Variants in COMMD10 observed in about 807,000 individuals in gnomAD.
COMMD10 encodes the protein COMM domain containing 10, also known as COMM domain-containing protein 10.
In COMMD10, 33 loss-of-function variants were observed where a neutral mutation model predicts 28.9. That is an observed-to-expected ratio of 1.14 (90% CI 0.87 to 1.53). The LOEUF (loss-of-function observed/expected upper bound fraction) is 1.53, where lower values mean the gene tolerates loss of function less well. COMMD10 is among the 40% of genes most tolerant of loss of function. The pLI, the probability that COMMD10 is intolerant of heterozygous loss-of-function variation, is 0.00. For synonymous variants in COMMD10, 110 were observed against 81.7 expected (o/e 1.35, Z -1.87); for missense variants, 310 against 233.4 (o/e 1.33, Z -2.14).
intron 5 of COMMD10, among the ~76,000 whole-genome samples, chr5:116,272,602 G>A (rs1177925632): frequency 6.6e-6 from 1 of 151,822 alleles, no homozygotes; most frequent in East Asian, 1.9e-4. Context: ...TGTTCTGACT[G>A]TGCTTTGTCT....
chr5:116,257,062 C>T (rs1030332727), intron 5 of COMMD10, among the ~76,000 whole-genome samples: 38 of 151,678 alleles, frequency 2.5e-4, no homozygotes, highest in African/African-American at 9.2e-4. Context: ...TTACTCTACT[C>T]TGTATTTTAT....
intron 5 of COMMD10, among the ~76,000 whole-genome samples, chr5:116,144,989 G>T (rs746606315): frequency 6.6e-6 from 1 of 151,746 alleles, no homozygotes; most frequent in Non-Finnish European, 1.5e-5. Context: ...GAGCACAAAC[G>T]GAAAGGTAGG....
chr5:116,180,390 T>A (rs1045583094), intron 5 of COMMD10, among the ~76,000 whole-genome samples: 1 of 152,160 alleles, frequency 6.6e-6, no homozygotes, highest in African/African-American at 2.4e-5. Context: ...TATTCATTTA[T>A]CTTTTGTTTA....
At position 116,244,477 on chromosome 5, in the gene COMMD10, T is replaced by A. The variant is rs145070912; in HGVS notation, c.511-47040T>A. The stretch of plus-strand genomic sequence containing the variant: ...CCAGTCTAGTGAATAGACAAATGAA[T>A]TTATTAAATTAAAATACAATGATAT... On this transcript the variant is annotated intron_variant, in intron 5 of 6. Transcript: ENST00000274458. Among the ~76,000 whole-genome samples, 692 of 151,926 alleles carry A rather than the reference T, an allele frequency of 4.6e-3. 3 individuals carry two copies. Among genetic ancestry groups the A allele is most frequent in the Non-Finnish European group, 6.4e-3 (433 of 67,902 alleles).
At chr5:116,194,789 A>G (rs1395052586) in intron 5 of COMMD10, among the ~76,000 whole-genome samples, 2 of 152,172 alleles carry the variant, frequency 1.3e-5, no homozygotes, top group Non-Finnish European at 2.9e-5. Context: ...CAAGATAAAG[A>G]AGGAGCCCTT....
At chr5:116,202,512 A>T (rs1165784640) in intron 5 of COMMD10, among the ~76,000 whole-genome samples, 1 of 150,726 alleles carries the variant, frequency 6.6e-6, no homozygotes, top group Non-Finnish European at 1.5e-5. Flanking sequence ...ACAGTGTAAA[A>T]GTGTTCCTAT....
At chr5:116,102,232 A>G (rs1750689701) in intron 4 of COMMD10, among the ~76,000 whole-genome samples, 1 of 152,122 alleles carries the variant, frequency 6.6e-6, no homozygotes, top group Admixed American at 6.5e-5. Flanking sequence ...GATTTTTTTT[A>G]TATGATCAGA....
chr5:116,223,216 A>G (rs1749309441), intron 5 of COMMD10, among the ~76,000 whole-genome samples: 1 of 151,992 alleles, frequency 6.6e-6, no homozygotes, highest in Non-Finnish European at 1.5e-5. Flanking sequence ...GAAAAAAAGG[A>G]GATAGGATAA....
chr5:116,217,902 A>G, intron 5 of COMMD10: 5 of 634,054 alleles, frequency 7.9e-6, no homozygotes, highest in Non-Finnish European at 1.4e-5. Context: ...TCTGTGTGCT[A>G]ACAGCATAGC....
intron 5 of COMMD10, among the ~76,000 whole-genome samples, chr5:116,278,045 A>G (rs1750966832): frequency 6.6e-6 from 1 of 151,846 alleles, no homozygotes; most frequent in Non-Finnish European, 1.5e-5. Context: ...AAATTTACCC[A>G]GAATCCCTCA....
intron 5 of COMMD10, among the ~76,000 whole-genome samples, chr5:116,145,355 C>T (rs1752313522): frequency 6.6e-6 from 1 of 151,718 alleles, no homozygotes; most frequent in African/African-American, 2.4e-5. Flanking sequence ...CTCAGGTGCA[C>T]ATGTGGAGTA....
intron 4 of COMMD10, among the ~76,000 whole-genome samples, chr5:116,116,915 G>C (rs1751259009): frequency 6.6e-6 from 1 of 152,040 alleles, no homozygotes; most frequent in Non-Finnish European, 1.5e-5. Flanking sequence ...ATTTAATTAT[G>C]ATACCTAACA....
chr5:116,146,571 T>C (rs1242376932), intron 5 of COMMD10, among the ~76,000 whole-genome samples: 1 of 151,930 alleles, frequency 6.6e-6, no homozygotes, highest in Non-Finnish European at 1.5e-5. Context: ...CCAGTCCCAA[T>C]TATTTTGGCA....
At position 116,173,849 on chromosome 5, in the gene COMMD10, G is replaced by T. The variant is rs942377260; in HGVS notation, c.510+39671G>T. Among the ~76,000 whole-genome samples, 298 of 117,006 alleles carry T rather than the reference G, an allele frequency of 2.5e-3. 1 individual carries two copies. Among genetic ancestry groups the T allele is most frequent in the African/African-American group, 4.9e-3 (131 of 26,616 alleles). The allele number at this position is 117,006 out of a possible 152,430, so 76.8% of individuals were successfully genotyped here. ...TTTTGTTTTGTTTTGTTTTGTTTTTGTTTTTTTTTTTTTGGAACAAGGACA... is the reference window on the plus strand; with the variant it reads ...TTTTGTTTTGTTTTGTTTTGTTTTTTTTTTTTTTTTTTTGGAACAAGGACA... On this transcript the variant is annotated intron_variant, in intron 5 of 6. Transcript: ENST00000274458.
intron 5 of COMMD10, among the ~76,000 whole-genome samples, chr5:116,220,664 G>A (rs1002313637): frequency 2.6e-5 from 4 of 152,150 alleles, no homozygotes; most frequent in African/African-American, 9.7e-5. Context: ...ATTTTCAAAT[G>A]TACTTAATTA....
intron 5 of COMMD10, among the ~76,000 whole-genome samples, chr5:116,232,929 C>A (rs1456237198): frequency 2.6e-5 from 4 of 152,114 alleles, no homozygotes; most frequent in African/African-American, 9.7e-5. Context: ...ACATTTAAAT[C>A]CAGGCAGTCT....
chr5:116,186,266 TCTGCTCCCATAACCCCAAA>T (rs1225739256), intron 5 of COMMD10, among the ~76,000 whole-genome samples: 3 of 152,144 alleles, frequency 2.0e-5, no homozygotes, highest in African/African-American at 7.2e-5. Flanking sequence ...CAATACAGCT[TCTGCTCCCATAACCCCAAA>T]CTGCTTTTGT....
rs1425346907 is a variant in COMMD10 at position 116,251,696 on chromosome 5, A to T, written c.511-39821A>T. Among the ~76,000 whole-genome samples the T allele has an allele frequency of 3.2e-3, 460 of 145,208 alleles. 3 individuals carry two copies. Among genetic ancestry groups the T allele is most frequent in the African/African-American group, 0.011 (414 of 38,978 alleles). On this transcript the variant is annotated intron_variant, in intron 5 of 6. Coordinates refer to ENST00000274458, the MANE Select transcript of COMMD10 (RefSeq NM_016144.4). ...ATTTTCTTAATCCAGTCTATCATTG[A>T]TGGACATTTGGGTTGGTTCCAAGTC...
chr5:116,115,762 A>G (rs563714633), intron 4 of COMMD10, among the ~76,000 whole-genome samples: 28 of 152,200 alleles, frequency 1.8e-4, no homozygotes, highest in South Asian at 1.0e-3. Flanking sequence ...TTTGACATCA[A>G]TGTATCTTTT....
Sources: allele counts gnomAD v4.1 joint callset (sites outside exome capture counted in the v4.1 genomes callset), GRCh38; gene constraint gnomAD v4.1.1; transcripts MANE v1.5; gene names NCBI Gene and HGNC (gene_info 2026-07-23, HGNC 2026-07-21).